The following ZNF501 variants were observed in gnomAD, a reference collection of about 807,000 sequenced individuals.
ZNF501 encodes the protein zinc finger protein 52.
ZNF501 carries 7 observed loss-of-function variants against 5.7 expected under a neutral mutation model. The ratio of observed to expected loss-of-function variants is 1.24; its 90% CI spans 0.70 to 2.32. ZNF501 has a LOEUF of 2.32. ZNF501 is among the 30% of genes most tolerant of loss of function. The pLI is 0.00. For synonymous variants in ZNF501, 107 were observed against 101.9 expected, an observed-to-expected ratio of 1.05 and a Z score of -0.30; for missense variants, 352 against 321.1, an observed-to-expected ratio of 1.10 and a Z score of -0.73.
intron 2 of ZNF501, among the ~76,000 whole-genome samples, chr3:44,732,763 G>A (rs1388451402): frequency 1.3e-5 from 2 of 152,178 alleles, no homozygotes; most frequent in African/African-American, 4.8e-5. Flanking sequence ...AAGAAAAAAG[G>A]AATGAAGGAA....
chr3:44,736,560 CCAGA>C lies in ZNF501; in HGVS notation c.*1326_*1329del, dbSNP rs1364298608. The C allele has an allele frequency of 1.8e-5, 3 of 167,012 alleles. No individual in the cohort carries two copies. The highest frequency in any genetic ancestry group is 7.2e-5 in the African/African-American group (3 of 41,430). 10.3% of individuals were successfully genotyped at this position (167,012 alleles called of 1,614,324 possible). Reference sequence around the variant, plus strand: ...GTGTGAGATGCCAAATCTGTGAAAACCAGACACAGGTGGCCAGGTGGGTGTCGAA... The same window carrying C: ...GTGTGAGATGCCAAATCTGTGAAAACCACAGGTGGCCAGGTGGGTGTCGAA... On this transcript the variant is annotated 3_prime_UTR_variant, in exon 3 of 3. Coordinates refer to ENST00000620116, the MANE Select transcript of ZNF501 (RefSeq NM_001258280.2).
rs956037759 is a variant in ZNF501, at chr3:44,736,027, A to G, written c.*790A>G. The G allele has an allele frequency of 6.0e-6, 1 of 167,166 alleles. No homozygotes were observed. Among genetic ancestry groups the G allele is most frequent in the South Asian group, 2.1e-4 (1 of 4,836 alleles). 10.4% of individuals were successfully genotyped at this position (167,166 alleles called of 1,614,324 possible). ...AGAGGACTGGAATATAGAGGAGAAT[A>G]TAAGCATGTAGATGAGGATGTGGCT... On this transcript the variant is annotated 3_prime_UTR_variant, in exon 3 of 3. Transcript: ENST00000620116.
intron 2 of ZNF501, among the ~76,000 whole-genome samples, chr3:44,732,812 G>C (rs553132177): frequency 6.6e-6 from 1 of 152,154 alleles, no homozygotes; most frequent in Non-Finnish European, 1.5e-5. Context: ...AAAGGAATAG[G>C]TTTATTTTGT....
intron 2 of ZNF501, among the ~76,000 whole-genome samples, chr3:44,732,570 G>A (rs148092747): frequency 6.6e-6 from 1 of 152,314 alleles, no homozygotes; most frequent in East Asian, 1.9e-4. Context: ...TGAACAATTT[G>A]TACAGATATA....
Position 44,735,543 on chromosome 3 carries a change from A to C in ZNF501, c.*306A>C, listed in dbSNP as rs1193707959. 2 of 233,678 alleles carry C rather than the reference A, an allele frequency of 8.6e-6. No homozygotes were observed. The highest frequency in any genetic ancestry group is 4.6e-5 in the African/African-American group (2 of 43,860). 14.5% of individuals were successfully genotyped at this position (233,678 alleles called of 1,614,324 possible). A position where few individuals can be genotyped will look rare whatever the true frequency, so the allele number is the denominator to read the frequency against. On this transcript the variant is annotated 3_prime_UTR_variant, in exon 3 of 3. Transcript: ENST00000620116. Reference sequence around the variant, plus strand: ...GACAGTTAACTGCCATTAATTAATTAGCCGTTCTAAAAGTTTATTTACAAT... The same window carrying C: ...GACAGTTAACTGCCATTAATTAATTCGCCGTTCTAAAAGTTTATTTACAAT...
At position 44,735,357 on chromosome 3, in the gene ZNF501, A is replaced by C; in HGVS notation, c.*120A>C. 1.0e-6 allele frequency: 1 copy of C among 959,810 alleles called. No individual in the cohort carries two copies. Among genetic ancestry groups the C allele is most frequent in the East Asian group, 2.6e-5 (1 of 37,972 alleles). 59.5% of individuals were successfully genotyped at this position (959,810 alleles called of 1,614,324 possible). ...ATGAATATTTTGTATTTTGAACAAG[A>C]AATGTTGTGTCCTAATGTGTCCTAG... On this transcript the variant is annotated 3_prime_UTR_variant, in exon 3 of 3. Transcript: ENST00000620116.
rs1421721145 is a variant in ZNF501 at position 44,734,874 on chromosome 3, T to A, written c.453T>A (p.Arg151=). The change falls in exon 3 of 3, where the codon CGT becomes CGA. Residue 151 remains arginine, a synonymous_variant. Coordinates refer to ENST00000620116, the MANE Select transcript of ZNF501 (RefSeq NM_001258280.2). The stretch of plus-strand genomic sequence containing the variant: ...TCAGTCAGAGCATATGCCTTACTCG[T>A]CATCAGAGAAGTCATTCTGGAGATA... ...KAFSQSICLT[R]HQRSHSGDKP... 6.2e-7 allele frequency: 1 copy of A among 1,613,744 alleles called. No individual in the cohort carries two copies. The highest frequency in any genetic ancestry group is 1.3e-5 in the African/African-American group (1 of 74,908).
chr3:44,734,824 A>G lies in ZNF501; in HGVS notation c.403A>G (p.Lys135Glu). ...QRIHTGEKPY[K>E]CTECGKAFSQ... Reference sequence around the variant, plus strand: ...AATTCATACTGGAGAGAAACCATATAAATGTACAGAATGTGGCAAAGCCTT... The same window carrying G: ...AATTCATACTGGAGAGAAACCATATGAATGTACAGAATGTGGCAAAGCCTT... Residue 135 changes from lysine (K) to glutamate (E), a missense_variant, in exon 3 of 3, where the codon AAA (lysine) becomes GAA (glutamate). Transcript: ENST00000620116. The G allele has an allele frequency of 6.2e-7, 1 of 1,613,972 alleles. No homozygotes were observed. Among genetic ancestry groups the G allele is most frequent in the Non-Finnish European group, 8.5e-7 (1 of 1,180,014 alleles).
At position 44,735,372 on chromosome 3, in the gene ZNF501, A is replaced by T; in HGVS notation, c.*135A>T. 2.4e-6 allele frequency: 2 copies of T among 828,358 alleles called. No homozygotes were observed. Among genetic ancestry groups the T allele is most frequent in the Non-Finnish European group, 3.7e-6 (2 of 537,006 alleles). 51.3% of individuals were successfully genotyped at this position (828,358 alleles called of 1,614,324 possible). On this transcript the variant is annotated 3_prime_UTR_variant, in exon 3 of 3. Coordinates refer to ENST00000620116, the MANE Select transcript of ZNF501 (RefSeq NM_001258280.2). ...TTTGAACAAGAAATGTTGTGTCCTAATGTGTCCTAGTCTGGAGTTTGATGC... is the reference window on the plus strand; with the variant it reads ...TTTGAACAAGAAATGTTGTGTCCTATTGTGTCCTAGTCTGGAGTTTGATGC...
intron 2 of ZNF501, among the ~76,000 whole-genome samples, chr3:44,733,793 A>G (rs924161388): frequency 9.2e-5 from 14 of 152,352 alleles, no homozygotes; most frequent in Admixed American, 9.1e-4. Context: ...TTGGAGAGAA[A>G]GAGAGATCCA....
In ZNF501 at chr3:44,730,832, C is replaced by A. The variant is rs142504474; in HGVS notation, c.-310-644C>A. 5.3e-5 allele frequency among the ~76,000 whole-genome samples: 8 copies of A among 152,340 alleles called. No individual in the cohort carries two copies. In the East Asian group the frequency reaches 1.5e-3, roughly 29 times the overall value. On this transcript the variant is annotated intron_variant, in intron 1 of 2. Transcript: ENST00000620116. ...CCCGTTCTTAACAAGACCCATTCAC[C>A]TCACGGCTAGCTCATTTAGTACTTT...
At chr3:44,732,534 A>T (rs1704631025) in intron 2 of ZNF501, among the ~76,000 whole-genome samples, 1 of 152,268 alleles carries the variant, frequency 6.6e-6, no homozygotes, top group Non-Finnish European at 1.5e-5. Flanking sequence ...ACAGTATGGT[A>T]CAGGCATTGC....
Position 44,736,784 on chromosome 3 carries a change from G to A in ZNF501, c.*1547G>A, listed in dbSNP as rs1704708221. The A allele has an allele frequency of 6.0e-6, 1 of 166,970 alleles. No individual in the cohort carries two copies. Among genetic ancestry groups the A allele is most frequent in the Non-Finnish European group, 1.5e-5 (1 of 68,100 alleles). 10.3% of individuals were successfully genotyped at this position (166,970 alleles called of 1,614,324 possible). A position where few individuals can be genotyped will look rare whatever the true frequency, so the allele number is the denominator to read the frequency against. The stretch of plus-strand genomic sequence containing the variant: ...TTTGCCATCTGTATAGCTTTGGTGA[G>A]GTATCTGTTAGAGGTTTTGCCCATT... On this transcript the variant is annotated 3_prime_UTR_variant, in exon 3 of 3. Coordinates refer to ENST00000620116, the MANE Select transcript of ZNF501 (RefSeq NM_001258280.2).
Position 44,734,975 on chromosome 3 carries a change from C to G in ZNF501, c.554C>G (p.Ser185Ter), listed in dbSNP as rs1575552060. 1 of 1,614,056 alleles carries G rather than the reference C, an allele frequency of 6.2e-7. No homozygotes were observed. The highest frequency in any genetic ancestry group is 1.1e-5 in the South Asian group (1 of 91,078). Residue 185 changes from serine (S) to a stop codon, truncating the protein, a stop_gained, in exon 3 of 3, where the codon TCA becomes TGA. Transcript: ENST00000620116. LOFTEE classifies it high-confidence loss of function. ...CTCATGCAGCATCAGAGAATTCATT[C>G]AGGAGAGAAGCCCTACACATGCACT... ...ACLMQHQRIH[S>*]GEKPYTCTEC...
At position 44,735,212 on chromosome 3, in the gene ZNF501, A is replaced by G. The variant is rs889926664; in HGVS notation, c.791A>G (p.His264Arg). 6.3e-7 allele frequency: 1 copy of G among 1,578,582 alleles called. No individual in the cohort carries two copies. The highest frequency in any genetic ancestry group is 1.2e-5 in the South Asian group (1 of 86,440). Residue 264 changes from histidine (H) to arginine (R), a missense_variant, in exon 3 of 3, where the codon CAT (histidine) becomes CGT (arginine). His to Arg is a conservative substitution (Grantham distance 29). Coordinates refer to ENST00000620116, the MANE Select transcript of ZNF501 (RefSeq NM_001258280.2). ...SFRHSSALLR[H>R]QRLHAGE ...AGGCACAGTTCAGCACTTCTTCGACATCAGAGGCTTCATGCTGGAGAGTAA... is the reference window on the plus strand; with the variant it reads ...AGGCACAGTTCAGCACTTCTTCGACGTCAGAGGCTTCATGCTGGAGAGTAA...
Position 44,734,250 on chromosome 3 carries a change from C to T in ZNF501, c.-172C>T, listed in dbSNP as rs1253470156. The T allele has an allele frequency of 1.8e-5, 11 of 594,862 alleles. No homozygotes were observed. In the South Asian group the frequency reaches 2.7e-4, roughly 15 times the overall value. 36.8% of individuals were successfully genotyped at this position (594,862 alleles called of 1,614,324 possible). ...AGAGAAGTTGAGAATGCAGGCTGAACAAGGAAGAGGAAGGGGAATCCTGCA... is the reference window on the plus strand; with the variant it reads ...AGAGAAGTTGAGAATGCAGGCTGAATAAGGAAGAGGAAGGGGAATCCTGCA... On this transcript the variant is annotated 5_prime_UTR_variant, in exon 3 of 3. It introduces an in-frame stop codon into an upstream open reading frame of the 5' UTR. Transcript: ENST00000620116.
Position 44,735,935 on chromosome 3 carries a change from T to A in ZNF501, c.*698T>A, listed in dbSNP as rs1180010039. On this transcript the variant is annotated 3_prime_UTR_variant, in exon 3 of 3. Transcript: ENST00000620116. ...CTGACATTAACTGAATAAAACCTCATGTTGTGGGACTTCTGTGTGTGTTTA... is the reference window on the plus strand; with the variant it reads ...CTGACATTAACTGAATAAAACCTCAAGTTGTGGGACTTCTGTGTGTGTTTA... 1.8e-5 allele frequency: 3 copies of A among 167,120 alleles called. No individual in the cohort carries two copies. Among genetic ancestry groups the A allele is most frequent in the Non-Finnish European group, 4.4e-5 (3 of 68,134 alleles). The allele number at this position is 167,120 out of a possible 1,614,324, so 10.4% of individuals were successfully genotyped here. A position where few individuals can be genotyped will look rare whatever the true frequency, so the allele number is the denominator to read the frequency against.
In ZNF501 at chr3:44,734,874, T is replaced by C. The variant is rs1421721145; in HGVS notation, c.453T>C (p.Arg151=). ...TCAGTCAGAGCATATGCCTTACTCG[T>C]CATCAGAGAAGTCATTCTGGAGATA... ...KAFSQSICLT[R]HQRSHSGDKP... The change falls in exon 3 of 3, where the codon CGT becomes CGC. Residue 151 remains arginine, a synonymous_variant. Transcript: ENST00000620116. 1 of 1,613,860 alleles carries C rather than the reference T, an allele frequency of 6.2e-7. No individual in the cohort carries two copies. The highest frequency in any genetic ancestry group is 1.7e-5 in the Admixed American group (1 of 60,026).
intron 2 of ZNF501, among the ~76,000 whole-genome samples, chr3:44,732,718 G>C (rs890646596): frequency 2.0e-5 from 3 of 152,164 alleles, no homozygotes; most frequent in Admixed American, 1.3e-4. Flanking sequence ...TTTATTTAAA[G>C]AGAATCAAGT....
Sources: gnomAD v4.1 joint callset for allele counts (sites outside exome capture counted in the v4.1 genomes callset) on GRCh38, gnomAD v4.1.1 for gene constraint, MANE v1.5 for transcripts, NCBI Gene and HGNC (gene_info 2026-07-23, HGNC 2026-07-21) for gene names.